Variants in MALRD1 observed in about 807,000 individuals in gnomAD.
MALRD1 encodes MAM and LDL-receptor class A domain-containing protein 1.
In MALRD1, 247 loss-of-function variants were observed where a neutral mutation model predicts 242.1. The observed-to-expected ratio is 1.02, with a 90% CI of 0.92 to 1.13. MALRD1 has a LOEUF of 1.13. Ranked by LOEUF, MALRD1 falls within the 50% of genes most tolerant of loss-of-function variation. MALRD1 has a pLI of 0.00. For missense variants in MALRD1, 2,989 were observed against 2,533.1 expected (o/e 1.18, Z -3.86); for synonymous variants, 995 against 866.6 (o/e 1.15, Z -2.60).
chr10:19,703,352 G>A (rs573836111), intron 38 of MALRD1, among the ~76,000 whole-genome samples: 3 of 152,210 alleles, frequency 2.0e-5, no homozygotes, highest in Admixed American at 1.3e-4. Flanking sequence ...TATATGGGGC[G>A]AGGGCCACAG....
intron 36 of MALRD1, among the ~76,000 whole-genome samples, chr10:19,637,828 C>T (rs912796566): frequency 3.3e-5 from 5 of 151,948 alleles, no homozygotes; most frequent in Non-Finnish European, 7.4e-5. Flanking sequence ...AAGCCAGATA[C>T]GGTGGTTCAT....
At position 19,367,961 on chromosome 10, in the gene MALRD1, ATT is replaced by A. The variant is rs1299967813; in HGVS notation, c.4441+15665_4441+15666del. 7.9e-5 allele frequency among the ~76,000 whole-genome samples: 12 copies of A among 151,854 alleles called. No individual in the cohort carries two copies. The East Asian group carries it at 2.3e-3, about 29-fold the overall frequency. Reference sequence around the variant, plus strand: ...ATTTTTAAATTGGAGTATTATTATTATTATTTTGCTGTTGAGATATATGTTTT... The same window carrying A: ...ATTTTTAAATTGGAGTATTATTATTAATTTTGCTGTTGAGATATATGTTTT... On this transcript the variant is annotated intron_variant, in intron 26 of 39. Transcript: ENST00000454679.
At chr10:19,187,128 T>C (rs1334503708) in intron 14 of MALRD1, among the ~76,000 whole-genome samples, 1 of 152,188 alleles carries the variant, frequency 6.6e-6, no homozygotes, top group Non-Finnish European at 1.5e-5. Context: ...ACTTACTTTA[T>C]AGCTGACAGT....
chr10:19,467,825 A>G (rs1017733980), intron 29 of MALRD1, among the ~76,000 whole-genome samples: 4 of 149,874 alleles, frequency 2.7e-5, no homozygotes, highest in African/African-American at 9.8e-5. Flanking sequence ...GTGGAGTTTC[A>G]CTCTGTTGCC....
chr10:19,452,930 C>T (rs1041766739), intron 29 of MALRD1, among the ~76,000 whole-genome samples: 1 of 152,128 alleles, frequency 6.6e-6, no homozygotes, highest in East Asian at 1.9e-4. Context: ...CGCTTTGCGT[C>T]GGTTTCCTCA....
At chr10:19,138,747 T>C (rs1286191789) in intron 10 of MALRD1, among the ~76,000 whole-genome samples, 4 of 152,262 alleles carry the variant, frequency 2.6e-5, no homozygotes, top group Admixed American at 2.6e-4. Flanking sequence ...CTTAGCTTTT[T>C]CCCCTCCATT....
At chr10:19,571,883 T>C (rs746728145) in intron 33 of MALRD1, among the ~76,000 whole-genome samples, 23 of 152,198 alleles carry the variant, frequency 1.5e-4, no homozygotes, top group Non-Finnish European at 5.9e-5. Flanking sequence ...CAGATTTGTA[T>C]GTTGAACCTG....
chr10:19,591,755 C>G (rs1837800914), intron 33 of MALRD1, among the ~76,000 whole-genome samples: 1 of 152,182 alleles, frequency 6.6e-6, no homozygotes, highest in Non-Finnish European at 1.5e-5. Flanking sequence ...ACCTCAGCCT[C>G]CCAAACTGTT....
intron 31 of MALRD1, among the ~76,000 whole-genome samples, chr10:19,530,374 T>TATTTATATAATA (rs1834313606): frequency 1.1e-5 from 1 of 90,364 alleles, no homozygotes; most frequent in Non-Finnish European, 1.8e-5. Flanking sequence ...TAAATATTTA[T>TATTTATATAATA]ATAAATATTA....
chr10:19,539,889 T>C (rs1383319477), intron 32 of MALRD1, among the ~76,000 whole-genome samples: 3 of 82,190 alleles, frequency 3.7e-5, no homozygotes, highest in East Asian at 3.8e-4. Context: ...TGTGTGTGTG[T>C]GTGTGTGTGC....
At chr10:19,472,608 T>C (rs2131143907) in intron 29 of MALRD1, among the ~76,000 whole-genome samples, 1 of 152,114 alleles carries the variant, frequency 6.6e-6, no homozygotes, top group East Asian at 1.9e-4. Flanking sequence ...AGGTTTTCTC[T>C]TTCTTCATGA....
intron 11 of MALRD1, among the ~76,000 whole-genome samples, chr10:19,148,457 A>C (rs780438241): frequency 1.1e-4 from 16 of 152,098 alleles, no homozygotes; most frequent in Admixed American, 5.2e-4. Flanking sequence ...ATGTAGTAAG[A>C]TCTCCATAAA....
At chr10:19,170,238 C>T (rs972600751) in intron 13 of MALRD1, among the ~76,000 whole-genome samples, 2 of 152,150 alleles carry the variant, frequency 1.3e-5, no homozygotes, top group South Asian at 2.1e-4. Flanking sequence ...TCTGTTTTAA[C>T]TTGGCCTGCT....
At chr10:19,297,384 A>G (rs942347310) in intron 21 of MALRD1, among the ~76,000 whole-genome samples, 4 of 151,804 alleles carry the variant, frequency 2.6e-5, no homozygotes, top group African/African-American at 9.7e-5. Flanking sequence ...GGGAGTATAT[A>G]TAGATTGGGT....
chr10:19,068,054 T>C (rs1835033239), intron 2 of MALRD1, among the ~76,000 whole-genome samples: 1 of 152,278 alleles, frequency 6.6e-6, no homozygotes, highest in South Asian at 2.1e-4. Flanking sequence ...TGTTAGATGG[T>C]GATATTGAAT....
At chr10:19,336,125 A>C (rs2130938043) in intron 24 of MALRD1, among the ~76,000 whole-genome samples, 1 of 152,044 alleles carries the variant, frequency 6.6e-6, no homozygotes, top group African/African-American at 2.4e-5. Flanking sequence ...GCAAGAATCT[A>C]TAAAAAAGTA....
intron 8 of MALRD1, among the ~76,000 whole-genome samples, chr10:19,129,057 A>T (rs962428517): frequency 6.6e-6 from 1 of 152,090 alleles, no homozygotes; most frequent in Non-Finnish European, 1.5e-5. Context: ...TTTTTTTCCA[A>T]CACAGCAATT....
At chr10:19,115,586 A>C (rs1272312101) in intron 5 of MALRD1, among the ~76,000 whole-genome samples, 1 of 152,184 alleles carries the variant, frequency 6.6e-6, no homozygotes, top group Non-Finnish European at 1.5e-5. Flanking sequence ...TGGCTTATTT[A>C]TTATACTCTT....
At chr10:19,075,817 C>T (rs966264439) in intron 2 of MALRD1, among the ~76,000 whole-genome samples, 7 of 152,112 alleles carry the variant, frequency 4.6e-5, no homozygotes, top group Non-Finnish European at 1.0e-4. Flanking sequence ...TTGTTTTAAG[C>T]CACTAGGTGT....
Sources: gnomAD v4.1 joint callset for allele counts (sites outside exome capture counted in the v4.1 genomes callset) on GRCh38, gnomAD v4.1.1 for gene constraint, MANE v1.5 for transcripts, NCBI Gene and HGNC (gene_info 2026-07-23, HGNC 2026-07-21) for gene names.